ZNF652: variants seen among roughly 807,000 people sequenced by gnomAD.
ZNF652 encodes zinc finger protein 652.
A neutral mutation model predicts 45.2 loss-of-function variants in ZNF652; 16 were observed. The ratio of observed to expected loss-of-function variants is 0.35; its 90% CI spans 0.24 to 0.54. The LOEUF (loss-of-function observed/expected upper bound fraction) is 0.54. Ranked by LOEUF, ZNF652 falls within the 20% of genes least tolerant of loss-of-function variation. The pLI is 0.91. For synonymous variants in ZNF652, 250 were observed against 260.6 expected (o/e 0.96, Z 0.39); for missense variants, 614 against 765.6 (o/e 0.80, Z 2.34).
chr17:49,317,951 A>C lies in ZNF652; in HGVS notation c.-226T>G. 2.3e-6 allele frequency: 1 copy of C among 439,226 alleles called. No homozygotes were observed. The highest frequency in any genetic ancestry group is 3.9e-6 in the Non-Finnish European group (1 of 254,396). The allele number at this position is 439,226 out of a possible 1,614,324, so 27.2% of individuals were successfully genotyped here. A position where few individuals can be genotyped will look rare whatever the true frequency, so the allele number is the denominator to read the frequency against. On this transcript the variant is annotated 5_prime_UTR_variant, in exon 2 of 6. Transcript: ENST00000430262. The stretch of plus-strand genomic sequence containing the variant: ...CAGAGCACTAGTGATTTTTCTTCTG[A>C]AGAGAGCTGCAAGGGACTTGGGAGC...
At chr17:49,329,950 G>A (rs898689609) in intron 1 of ZNF652, among the ~76,000 whole-genome samples, 2 of 152,152 alleles carry the variant, frequency 1.3e-5, no homozygotes, top group Non-Finnish European at 2.9e-5. Flanking sequence ...CACGCCCAGG[G>A]CCAAAGAAGA....
Position 49,296,466 on chromosome 17 carries a change from A to G in ZNF652, c.*1947T>C, listed in dbSNP as rs1339531114. The stretch of plus-strand genomic sequence containing the variant: ...CATTAGTTAGAAAAGTGCTCGAAGC[A>G]TATCTGCACATTTAATATTAAAAAT... On this transcript the variant is annotated 3_prime_UTR_variant, in exon 6 of 6. Transcript: ENST00000430262. The G allele has an allele frequency of 6.5e-6, 1 of 152,772 alleles. No individual in the cohort carries two copies. Among genetic ancestry groups the G allele is most frequent in the South Asian group, 2.1e-4 (1 of 4,826 alleles). The allele number at this position is 152,772 out of a possible 1,614,324, so 9.5% of individuals were successfully genotyped here.
Position 49,290,350 on chromosome 17 carries a change from C to G in ZNF652, c.*8063G>C, listed in dbSNP as rs891986061. 1 of 152,178 alleles carries G rather than the reference C, an allele frequency of 6.6e-6. No individual in the cohort carries two copies. Among genetic ancestry groups the G allele is most frequent in the Admixed American group, 6.5e-5 (1 of 15,270 alleles). The allele number at this position is 152,178 out of a possible 1,614,324, so 9.4% of individuals were successfully genotyped here. A position where few individuals can be genotyped will look rare whatever the true frequency, so the allele number is the denominator to read the frequency against. On this transcript the variant is annotated 3_prime_UTR_variant, in exon 6 of 6. Transcript: ENST00000430262. ...CTCATGGCCAGAGAGCTGATGACCA[C>G]GGATAGGAGCCCTTAGACAAGTAAC...
At chr17:49,325,215 T>G (rs1567689410) in intron 1 of ZNF652, among the ~76,000 whole-genome samples, 3 of 152,186 alleles carry the variant, frequency 2.0e-5, no homozygotes, top group Non-Finnish European at 2.9e-5. Context: ...GACTCTTCCC[T>G]TCACTTGACC....
intron 5 of ZNF652, among the ~76,000 whole-genome samples, chr17:49,303,247 C>CTTTTTTTTT (rs779042339): frequency 4.1e-5 from 5 of 121,784 alleles, no homozygotes; most frequent in African/African-American, 1.0e-4. Context: ...TTACGCTTAT[C>CTTTTTTTTT]TTTTTTTTTT....
At chr17:49,327,758 TA>T (rs1567690438) in intron 1 of ZNF652, among the ~76,000 whole-genome samples, 6 of 5,090 alleles carry the variant, frequency 1.2e-3, no homozygotes, top group African/African-American at 7.2e-3. Flanking sequence ...TATATATATA[TA>T]TATATATATA....
chr17:49,337,939 G>C (rs1370068644), intron 1 of ZNF652, among the ~76,000 whole-genome samples: 1 of 152,034 alleles, frequency 6.6e-6, no homozygotes, highest in East Asian at 1.9e-4. Context: ...TTAAAATTAG[G>C]TTGAGAAGCA....
chr17:49,289,794 GC>G lies in ZNF652; in HGVS notation c.*8618del, dbSNP rs1327786114. 6.6e-6 allele frequency: 1 copy of G among 152,438 alleles called. No homozygotes were observed. Among genetic ancestry groups the G allele is most frequent in the Non-Finnish European group, 1.5e-5 (1 of 68,108 alleles). The allele number at this position is 152,438 out of a possible 1,614,324, so 9.4% of individuals were successfully genotyped here. A position where few individuals can be genotyped will look rare whatever the true frequency, so the allele number is the denominator to read the frequency against. On this transcript the variant is annotated 3_prime_UTR_variant, in exon 6 of 6. Transcript: ENST00000430262. ...CGCAGAGAGGTAGGAGAGGGACACT[GC>G]CCCATTCTGGACTTGACATAAGTAC...
chr17:49,318,993 A>AT lies in ZNF652; in HGVS notation c.-258-1011dup, dbSNP rs1384780697. 4.6e-5 allele frequency among the ~76,000 whole-genome samples: 7 copies of AT among 152,308 alleles called. No homozygotes were observed. In the East Asian group the frequency reaches 9.6e-4, roughly 21 times the overall value. On this transcript the variant is annotated intron_variant, in intron 1 of 5. Transcript: ENST00000430262. ...ACTACATTCACTCAGTAAGTCGGTG[A>AT]TTTTTTATATGTCAGTTGCACAGGA... is the stretch of plus-strand genomic sequence containing the variant.
At chr17:49,341,386 C>T (rs2070144246) in intron 1 of ZNF652, among the ~76,000 whole-genome samples, 1 of 149,758 alleles carries the variant, frequency 6.7e-6, no homozygotes, top group South Asian at 2.1e-4. Context: ...GGCAAGGTGG[C>T]TCATGGCTGT....
chr17:49,350,843 G>T (rs1159227386), intron 1 of ZNF652, among the ~76,000 whole-genome samples: 1 of 151,000 alleles, frequency 6.6e-6, no homozygotes, highest in Admixed American at 6.6e-5. Flanking sequence ...GTTGGCAGAT[G>T]CCTATAATCC....
intron 1 of ZNF652, among the ~76,000 whole-genome samples, chr17:49,329,629 T>C (rs2070001864): frequency 6.6e-6 from 1 of 152,236 alleles, no homozygotes; most frequent in Admixed American, 6.5e-5. Context: ...GTCCATCTAA[T>C]CCACTCTCTG....
intron 1 of ZNF652, among the ~76,000 whole-genome samples, chr17:49,321,742 T>C (rs569421826): frequency 2.0e-5 from 3 of 152,286 alleles, no homozygotes; most frequent in South Asian, 2.1e-4. Context: ...AGGAAAGTTA[T>C]TGGAGGCTAA....
At chr17:49,329,531 T>C (rs1219930444) in intron 1 of ZNF652, among the ~76,000 whole-genome samples, 1 of 152,182 alleles carries the variant, frequency 6.6e-6, no homozygotes, top group Non-Finnish European at 1.5e-5. Context: ...TTACAAGCTG[T>C]TCTCAGATGC....
intron 1 of ZNF652, among the ~76,000 whole-genome samples, chr17:49,340,312 T>C (rs927848923): frequency 2.0e-5 from 3 of 151,914 alleles, no homozygotes; most frequent in African/African-American, 7.3e-5. Flanking sequence ...TCCCAGCACT[T>C]TGGGAGGCCC....
At chr17:49,336,698 C>T (rs1189389593) in intron 1 of ZNF652, among the ~76,000 whole-genome samples, 3 of 151,300 alleles carry the variant, frequency 2.0e-5, no homozygotes, top group South Asian at 4.2e-4. Context: ...GCAATCTCGG[C>T]TTACTGCAAC....
intron 1 of ZNF652, among the ~76,000 whole-genome samples, chr17:49,334,625 A>G (rs9895986): frequency 0.43 from 65,858 of 151,950 alleles, 14,588 homozygotes; most frequent in East Asian, 0.48. Context: ...CCAAAAATAC[A>G]AAATTTAGCT....
intron 1 of ZNF652, among the ~76,000 whole-genome samples, chr17:49,358,080 C>G (rs1282688901): frequency 1.3e-5 from 2 of 152,198 alleles, no homozygotes; most frequent in African/African-American, 4.8e-5. Context: ...ATGCCAGGAA[C>G]TGCTAGGAGT....
At chr17:49,356,429 CA>C (rs35374808) in intron 1 of ZNF652, among the ~76,000 whole-genome samples, 6 of 42,348 alleles carry the variant, frequency 1.4e-4, no homozygotes, top group Admixed American at 4.1e-4. Context: ...ACTCTGTCTG[CA>C]AAAAAAAAAA....
Sources: allele counts gnomAD v4.1 joint callset (sites outside exome capture counted in the v4.1 genomes callset), GRCh38; gene constraint gnomAD v4.1.1; transcripts MANE v1.5; gene names NCBI Gene and HGNC (gene_info 2026-07-23, HGNC 2026-07-21).